PYGB: variants seen among roughly 807,000 people sequenced by gnomAD.
The protein encoded by PYGB is glycogen phosphorylase B, also known as glycogen phosphorylase, brain form.
A neutral mutation model predicts 94.3 loss-of-function variants in PYGB; 82 were observed. The observed-to-expected ratio is 0.87, with a 90% CI of 0.73 to 1.04. PYGB has a LOEUF of 1.04. Ranked by LOEUF, PYGB falls within the 50% of genes least tolerant of loss-of-function variation. The pLI, the probability that PYGB is intolerant of heterozygous loss-of-function variation, is 0.00. For synonymous variants in PYGB, 488 were observed against 479.1 expected (o/e 1.02, Z -0.24); for missense variants, 1,132 against 1,158.2 (o/e 0.98, Z 0.33).
At chr20:25,273,328 C>G (rs539334056) in intron 4 of PYGB, among the ~76,000 whole-genome samples, 4 of 152,104 alleles carry the variant, frequency 2.6e-5, no homozygotes, top group Admixed American at 2.0e-4. Context: ...AAGGGTCTTG[C>G]TGGGAGTACC....
intron 14 of PYGB, among the ~76,000 whole-genome samples, chr20:25,286,377 C>T (rs967680434): frequency 2.6e-5 from 4 of 152,184 alleles, no homozygotes; most frequent in African/African-American, 4.8e-5. Context: ...ACTCTCCTCC[C>T]GTGCCCTCTG....
Position 25,269,206 on chromosome 20 carries a change from A to G in PYGB, c.423A>G (p.Ala141=). The G allele has an allele frequency of 1.3e-6, 2 of 1,579,990 alleles. No homozygotes were observed. The highest frequency in any genetic ancestry group is 2.7e-5 in the African/African-American group (2 of 74,172). ...GGAATGGAGGCCTGGGGAGGCTGGC[A>G]GGTAAGTTGCCCCATCCAGGAGGAG... ...GLGNGGLGRL[A]ACFLDSMATL... Residue 141 remains alanine, a splice_region_variant and synonymous_variant, in exon 3 of 20, where the codon GCA becomes GCG. Coordinates refer to ENST00000216962, the MANE Select transcript of PYGB (RefSeq NM_002862.4).
In PYGB at chr20:25,259,234, C is replaced by T; in HGVS notation, c.244-3C>T. 6.3e-7 allele frequency: 1 copy of T among 1,582,538 alleles called. No homozygotes were observed. The highest frequency in any genetic ancestry group is 1.1e-5 in the South Asian group (1 of 90,364). ...AATCTTATTCTTTCTTCTGCTTCCT[C>T]AGCGCATTTATTATCTTTCCCTGGA... On this transcript the variant is annotated splice_polypyrimidine_tract_variant and splice_region_variant and intron_variant, in intron 1 of 19. Coordinates refer to ENST00000216962, the MANE Select transcript of PYGB (RefSeq NM_002862.4).
intron 18 of PYGB, 150 bp from the exon 19 acceptor site, chr20:25,295,454 C>T (rs1771059471): frequency 1.2e-6 from 1 of 822,310 alleles, no homozygotes; most frequent in Non-Finnish European, 2.0e-6. Context: ...CTGGTGCAGC[C>T]TGGCTCTGAC....
rs757485837 is a variant in PYGB, at chr20:25,295,609, A to G, written c.2318A>G (p.Lys773Arg). The change falls in exon 19 of 20, where the codon AAG (lysine) becomes AGG (arginine). Residue 773 changes from lysine (K) to arginine (R), a missense_variant. Lys to Arg is a conservative substitution (Grantham distance 26). Coordinates refer to ENST00000216962, the MANE Select transcript of PYGB (RefSeq NM_002862.4). The part of the protein sequence containing the change: ...VNMLMHHDRF[K>R]VFADYEAYMQ... ...CCTCCTTTCTCCCATTCCAGGTTCAAGGTGTTTGCAGACTATGAAGCCTAC... is the reference window on the plus strand; with the variant it reads ...CCTCCTTTCTCCCATTCCAGGTTCAGGGTGTTTGCAGACTATGAAGCCTAC... The G allele has an allele frequency of 1.9e-6, 3 of 1,613,794 alleles. No homozygotes were observed. Among genetic ancestry groups the G allele is most frequent in the Non-Finnish European group, 2.5e-6 (3 of 1,179,836 alleles).
chr20:25,269,078 A>C, intron 2 of PYGB, 51 bp from the exon 3 acceptor site: 1 of 1,452,468 alleles, frequency 6.9e-7, no homozygotes. Flanking sequence ...CCTGTCATTC[A>C]AGGGAAAATA....
At chr20:25,284,041 C>G in intron 13 of PYGB, 63 bp from the exon 14 acceptor site, 1 of 1,584,914 alleles carries the variant, frequency 6.3e-7, no homozygotes, top group Non-Finnish European at 8.6e-7. Context: ...AGCAGGAAGC[C>G]GCAGGGTCAG....
intron 8 of PYGB, 104 bp from the exon 9 acceptor site, chr20:25,278,953 G>C (rs2088339995): frequency 1.8e-6 from 2 of 1,102,330 alleles, no homozygotes; most frequent in Non-Finnish European, 2.6e-6. Flanking sequence ...CGGGGGTGGG[G>C]TGGGCTGGGC....
chr20:25,289,734 C>T lies in PYGB; in HGVS notation c.1828-747C>T, dbSNP rs117820812. On this transcript the variant is annotated intron_variant, in intron 15 of 19. Coordinates refer to ENST00000216962, the MANE Select transcript of PYGB (RefSeq NM_002862.4). ...CAAAACCATAAACCTGTCACCCAGA[C>T]TAGCTGAAGCATTTCACAGTAAACT... 4.4e-3 allele frequency: 1,998 copies of T among 454,824 alleles called. 9 individuals are homozygous for T. The highest frequency in any genetic ancestry group is 7.3e-3 in the Non-Finnish European group (1,586 of 216,552). The allele number at this position is 454,824 out of a possible 1,614,324, so 28.2% of individuals were successfully genotyped here.
chr20:25,260,875 T>A (rs2092911917), intron 2 of PYGB, among the ~76,000 whole-genome samples: 1 of 152,210 alleles, frequency 6.6e-6, no homozygotes, highest in African/African-American at 2.4e-5. Context: ...GGAGCCTCAC[T>A]CATTGCTAGC....
intron 13 of PYGB, 87 bp from the exon 14 acceptor site, chr20:25,284,017 C>G: frequency 1.3e-6 from 2 of 1,527,690 alleles, no homozygotes; most frequent in Non-Finnish European, 1.8e-6. Flanking sequence ...CGGCACTCTT[C>G]ACAGGGCACT....
intron 2 of PYGB, among the ~76,000 whole-genome samples, chr20:25,261,745 G>T (rs1001379072): frequency 5.9e-5 from 9 of 152,138 alleles, no homozygotes; most frequent in African/African-American, 1.2e-4. Context: ...AAGATTAGAC[G>T]AATGGCTAAC....
chr20:25,279,255 C>A, intron 9 of PYGB, 106 bp downstream of exon 9: 1 of 1,225,244 alleles, frequency 8.2e-7, no homozygotes, highest in Non-Finnish European at 1.2e-6. Context: ...CTTGGGAGAG[C>A]TGTGTGGTCA....
intron 1 of PYGB, among the ~76,000 whole-genome samples, chr20:25,256,713 C>T (rs753902643): frequency 1.2e-4 from 18 of 152,162 alleles, no homozygotes; most frequent in Non-Finnish European, 2.2e-4. Flanking sequence ...GTTCTCCAAC[C>T]AGCGCTCCCT....
In PYGB at chr20:25,294,187, T is replaced by A; in HGVS notation, c.2207T>A (p.Leu736Gln). The change falls in exon 18 of 20, where the codon CTG (leucine) becomes CAG (glutamine). Residue 736 changes from leucine to glutamine, a missense_variant. By Grantham distance (113) the Leu-to-Gln change is moderately radical. Coordinates refer to ENST00000216962, the MANE Select transcript of PYGB (RefSeq NM_002862.4). The stretch of plus-strand genomic sequence containing the variant: ...AATGCCAGGGAGTACTACGACCACC[T>A]GCCCGAGCTGAAGCAGGCCGTGGAC... ...GYNAREYYDH[L>Q]PELKQAVDQI... 6.2e-7 allele frequency: 1 copy of A among 1,613,948 alleles called. No homozygotes were observed. Among genetic ancestry groups the A allele is most frequent in the South Asian group, 1.1e-5 (1 of 91,082 alleles).
chr20:25,290,936 CG>C (rs1215909455), intron 16 of PYGB, among the ~76,000 whole-genome samples: 2 of 152,004 alleles, frequency 1.3e-5, no homozygotes, highest in African/African-American at 2.4e-5. Context: ...GCCCCTCAGC[CG>C]TGCCTTCTGC....
chr20:25,259,188 A>C, intron 1 of PYGB, 49 bp from the exon 2 acceptor site: 1 of 1,479,566 alleles, frequency 6.8e-7, no homozygotes, highest in Non-Finnish European at 9.4e-7. Context: ...TAACCTTCCT[A>C]AAGTGTAGAA....
At chr20:25,277,176 C>A in intron 6 of PYGB, 68 bp from the exon 7 acceptor site, 2 of 1,274,360 alleles carry the variant, frequency 1.6e-6, no homozygotes, top group Non-Finnish European at 2.3e-6. Flanking sequence ...TGCAAGTAGG[C>A]CCCTGAGCGG....
chr20:25,280,396 A>G lies in PYGB; in HGVS notation c.1223A>G (p.Asn408Ser). The G allele has an allele frequency of 6.2e-7, 1 of 1,614,114 alleles. No homozygotes were observed. Among genetic ancestry groups the G allele is most frequent in the Non-Finnish European group, 8.5e-7 (1 of 1,180,012 alleles). Residue 408 changes from asparagine to serine, a missense_variant, in exon 10 of 20, where the codon AAC (asparagine) becomes AGC (serine). Physicochemically the swap from Asn to Ser is conservative, Grantham distance 46. Transcript: ENST00000216962. ...CACCTGGAGATAATCTATGCCATCA[A>G]CCAGCGGCACCTGGACGTGAGTGTG... ...PRHLEIIYAI[N>S]QRHLDHVAAL...
Sources: allele counts gnomAD v4.1 joint callset (sites outside exome capture counted in the v4.1 genomes callset), GRCh38; gene constraint gnomAD v4.1.1; transcripts MANE v1.5; gene names NCBI Gene and HGNC (gene_info 2026-07-23, HGNC 2026-07-21).